NEO1: variants seen among roughly 807,000 people sequenced by gnomAD.
NEO1 encodes the protein neogenin.
NEO1 carries 63 observed loss-of-function variants against 159.7 expected under a neutral mutation model. The ratio of observed to expected loss-of-function variants is 0.39; its 90% CI spans 0.32 to 0.49. The LOEUF is 0.49. Among genes scored for constraint, NEO1 ranks in the 20% least tolerant of loss-of-function variants. NEO1 has a pLI of 0.85. For synonymous variants in NEO1, 633 were observed against 662.0 expected (o/e 0.96, Z 0.67); for missense variants, 1,615 against 1,831.0 (o/e 0.88, Z 2.15).
At chr15:73,106,866 G>A (rs2070721190) in intron 1 of NEO1, among the ~76,000 whole-genome samples, 2 of 152,310 alleles carry the variant, frequency 1.3e-5, no homozygotes, top group Admixed American at 1.3e-4. Context: ...TTATCATTAT[G>A]CCTTTAGACT....
intron 5 of NEO1, among the ~76,000 whole-genome samples, chr15:73,148,770 T>C (rs1044059408): frequency 5.3e-5 from 8 of 152,218 alleles, no homozygotes; most frequent in African/African-American, 1.9e-4. Flanking sequence ...CCAGTCCCTA[T>C]TGTAATGATA....
intron 7 of NEO1, among the ~76,000 whole-genome samples, chr15:73,217,780 T>A (rs2037985120): frequency 6.6e-6 from 1 of 152,254 alleles, no homozygotes; most frequent in Non-Finnish European, 1.5e-5. Flanking sequence ...TGATTTTGTA[T>A]CCTGAGACTT....
At chr15:73,183,326 CATACGT>C (rs1262361445) in intron 7 of NEO1, among the ~76,000 whole-genome samples, 1 of 152,082 alleles carries the variant, frequency 6.6e-6, no homozygotes, top group Non-Finnish European at 1.5e-5. Context: ...CTTCTGATTT[CATACGT>C]TTCTGAAGGG....
At chr15:73,252,174 G>A (rs887712091) in intron 11 of NEO1, among the ~76,000 whole-genome samples, 16 of 152,208 alleles carry the variant, frequency 1.1e-4, no homozygotes, top group African/African-American at 3.1e-4. Context: ...AGAAGCTATA[G>A]CACAGTGGGC....
intron 4 of NEO1, among the ~76,000 whole-genome samples, chr15:73,133,749 G>C (rs1335595741): frequency 6.6e-6 from 1 of 151,964 alleles, no homozygotes; most frequent in Non-Finnish European, 1.5e-5. Context: ...GAGTTCTAAA[G>C]GCTCGATGGT....
At chr15:73,203,337 C>T (rs990502816) in intron 7 of NEO1, among the ~76,000 whole-genome samples, 2 of 152,062 alleles carry the variant, frequency 1.3e-5, no homozygotes, top group Non-Finnish European at 2.9e-5. Flanking sequence ...TATCCCTTTA[C>T]TTTTACTCTG....
At chr15:73,268,371 G>A (rs2041013182) in intron 16 of NEO1, among the ~76,000 whole-genome samples, 2 of 152,172 alleles carry the variant, frequency 1.3e-5, no homozygotes. Context: ...CCTAAGTCAT[G>A]TAATCTAGAT....
In NEO1 at chr15:73,254,702, G is replaced by A. The variant is rs763201419; in HGVS notation, c.1965G>A (p.Gln655=). The change falls in exon 13 of 29, where the codon CAG becomes CAA. Residue 655 remains glutamine (Q), a synonymous_variant. Transcript: ENST00000261908. ...TGCAGAGTATTATGATTCACTGGCA[G>A]CCACCTGCTCCAGCCACACAAAATG... is the stretch of plus-strand genomic sequence containing the variant. The part of the protein sequence containing the change: ...RNSKSIMIHW[Q]PPAPATQNGQ... The A allele has an allele frequency of 6.2e-6, 10 of 1,613,090 alleles. No homozygotes were observed. In the Admixed American group the frequency reaches 1.5e-4, roughly 24 times the overall value.
intron 1 of NEO1, among the ~76,000 whole-genome samples, chr15:73,053,086 C>T (rs2067536039): frequency 6.6e-6 from 1 of 152,072 alleles, no homozygotes; most frequent in Non-Finnish European, 1.5e-5. Flanking sequence ...GCCTCTCTCC[C>T]CTCCCCCAGG....
intron 3 of NEO1, among the ~76,000 whole-genome samples, chr15:73,126,142 G>T (rs1309995349): frequency 3.3e-5 from 5 of 152,158 alleles, no homozygotes; most frequent in Non-Finnish European, 7.4e-5. Context: ...GGAAATTTTT[G>T]TATCACTTTT....
rs201306254 is a variant in NEO1, at chr15:73,301,393, C to G, written c.4238C>G (p.Pro1413Arg). The G allele has an allele frequency of 3.7e-6, 6 of 1,614,078 alleles. No individual in the cohort carries two copies. Among genetic ancestry groups the G allele is most frequent in the African/African-American group, 1.3e-5 (1 of 74,924 alleles). ...GTLGRSRPPM[P>R]VVVPSAPEVQ... Reference sequence around the variant, plus strand: ...CTAGGAAGGAGCCGGCCTCCTATGCCAGTGGTTGTTCCCAGTGCCCCTGAA... The same window carrying G: ...CTAGGAAGGAGCCGGCCTCCTATGCGAGTGGTTGTTCCCAGTGCCCCTGAA... Residue 1413 changes from proline (P) to arginine (R), a missense_variant, in exon 28 of 29, where the codon CCA (proline) becomes CGA (arginine). Transcript: ENST00000261908.
At chr15:73,096,910 A>AGGTTGGATGATT (rs1404383496) in intron 1 of NEO1, among the ~76,000 whole-genome samples, 1 of 152,140 alleles carries the variant, frequency 6.6e-6, no homozygotes, top group African/African-American at 2.4e-5. Context: ...TGATTGCTTG[A>AGGTTGGATGATT]GCACAGGAGT....
chr15:73,238,835 TTTTTA>T (rs2039337101), intron 8 of NEO1, among the ~76,000 whole-genome samples: 1 of 147,340 alleles, frequency 6.8e-6, no homozygotes, highest in Non-Finnish European at 1.5e-5. Context: ...TTTTTGTTTG[TTTTTA>T]TTTTGTTTTG....
chr15:73,081,949 C>T (rs2069075613), intron 1 of NEO1, among the ~76,000 whole-genome samples: 1 of 151,488 alleles, frequency 6.6e-6, no homozygotes, highest in Admixed American at 6.6e-5. Flanking sequence ...TCACTGCAAC[C>T]TCCGCACTCC....
chr15:73,288,274 G>T (rs781411383), intron 23 of NEO1, 39 bp from the exon 24 acceptor site: 1 of 1,566,756 alleles, frequency 6.4e-7, no homozygotes, highest in South Asian at 1.1e-5. Flanking sequence ...ACGTTCAAAT[G>T]AGTTACTTTT....
Position 73,145,846 on chromosome 15 carries a change from C to G in NEO1, c.1015+9819C>G, listed in dbSNP as rs115573701. ...TTCAGAATACTGGATGTTTACTTATCTTGAAAGGATCATTTTTCTTCTAAG... is the reference window on the plus strand; with the variant it reads ...TTCAGAATACTGGATGTTTACTTATGTTGAAAGGATCATTTTTCTTCTAAG... On this transcript the variant is annotated intron_variant, in intron 5 of 28. Transcript: ENST00000261908. Among the ~76,000 whole-genome samples, 468 of 152,212 alleles carry G rather than the reference C, an allele frequency of 3.1e-3. 1 individual carries two copies. The highest frequency in any genetic ancestry group is 0.011 in the African/African-American group (438 of 41,542).
At chr15:73,253,512 A>G (rs1463063397) in intron 12 of NEO1, 63 bp downstream of exon 12, 1 of 1,108,836 alleles carries the variant, frequency 9.0e-7, no homozygotes, top group Non-Finnish European at 1.3e-6. Context: ...AGAGGGGCTT[A>G]TAGAAAGGGA....
Position 73,162,124 on chromosome 15 carries a change from C to G in NEO1, c.1016-14279C>G, listed in dbSNP as rs560847796. The stretch of plus-strand genomic sequence containing the variant: ...CTTGTCTCCTCTTCCTCTCCACAAC[C>G]CGGGTAACCTTGCTACCACCTCCAG... On this transcript the variant is annotated intron_variant, in intron 5 of 28. Transcript: ENST00000261908. The G allele has an allele frequency of 4.9e-5, 11 of 225,984 alleles. No individual in the cohort carries two copies. In the East Asian group the frequency reaches 1.2e-3, roughly 25 times the overall value. The allele number at this position is 225,984 out of a possible 1,614,324, so 14.0% of individuals were successfully genotyped here.
At chr15:73,158,673 A>G (rs1177759617) in intron 5 of NEO1, among the ~76,000 whole-genome samples, 1 of 152,290 alleles carries the variant, frequency 6.6e-6, no homozygotes, top group South Asian at 2.1e-4. Flanking sequence ...TACAGTCATG[A>G]GCCATCACAC....
Sources: gnomAD v4.1 joint callset for allele counts (sites outside exome capture counted in the v4.1 genomes callset) on GRCh38, gnomAD v4.1.1 for gene constraint, MANE v1.5 for transcripts, NCBI Gene and HGNC (gene_info 2026-07-23, HGNC 2026-07-21) for gene names.